Variants in NIPA1 observed in about 807,000 individuals in gnomAD.
NIPA1 encodes magnesium transporter NIPA1.
A neutral mutation model predicts 23.9 loss-of-function variants in NIPA1; 13 were observed. The observed-to-expected ratio is 0.54, with a 90% CI of 0.35 to 0.87. The LOEUF is 0.87. Among genes scored for constraint, NIPA1 ranks in the 40% least tolerant of loss-of-function variants. The pLI is 0.01. For missense variants in NIPA1, 362 were observed against 429.7 expected (o/e 0.84, Z 1.39); for synonymous variants, 234 against 202.9 (o/e 1.15, Z -1.30).
intron 1 of NIPA1, among the ~76,000 whole-genome samples, chr15:22,797,769 T>C (rs1158987093): frequency 1.3e-5 from 2 of 151,836 alleles, no homozygotes; most frequent in Admixed American, 6.6e-5. Context: ...TCCCAAAGTA[T>C]TGGGATTACA....
At chr15:22,795,413 T>A (rs535949898) in intron 1 of NIPA1, among the ~76,000 whole-genome samples, 7 of 152,192 alleles carry the variant, frequency 4.6e-5, no homozygotes, top group Non-Finnish European at 7.4e-5. Flanking sequence ...TGGCTGGGGC[T>A]GGAGTCAACT....
chr15:22,824,323 C>T lies in NIPA1; in HGVS notation c.*84C>T. On this transcript the variant is annotated 3_prime_UTR_variant, in exon 5 of 5. Transcript: ENST00000337435. The surrounding 1 kb of genome is among the most constrained non-coding windows in gnomAD (Gnocchi z 4.1). ...GATTGGATGTGAAGTAGAAGAGGTC[C>T]TCGATCATGGTGTTAGAATTGACTG... The T allele has an allele frequency of 2.6e-6, 3 of 1,168,770 alleles. No individual in the cohort carries two copies. In the South Asian group the frequency reaches 3.7e-5, roughly 14 times the overall value. The allele number at this position is 1,168,770 out of a possible 1,614,324, so 72.4% of individuals were successfully genotyped here. A position where few individuals can be genotyped will look rare whatever the true frequency, so the allele number is the denominator to read the frequency against.
chr15:22,791,151 G>A (rs1894816284), intron 1 of NIPA1, among the ~76,000 whole-genome samples: 1 of 152,080 alleles, frequency 6.6e-6, no homozygotes, highest in African/African-American at 2.4e-5. Context: ...GCACTGGGTG[G>A]TCACTGGCGA....
intron 3 of NIPA1, among the ~76,000 whole-genome samples, chr15:22,814,949 G>A (rs1449168259): frequency 1.3e-5 from 2 of 152,114 alleles, no homozygotes; most frequent in African/African-American, 2.4e-5. Flanking sequence ...GCATTGTGAG[G>A]TGTTTAGCAG....
At position 22,826,552 on chromosome 15, in the gene NIPA1, A is replaced by G. The variant is rs1441936910; in HGVS notation, c.*2313A>G. The stretch of plus-strand genomic sequence containing the variant: ...GTTCATGTGTCACATGAAAATGATC[A>G]TGTTTGTGTTGCTACAGCTTTTGTG... On this transcript the variant is annotated 3_prime_UTR_variant, in exon 5 of 5. Coordinates refer to ENST00000337435, the MANE Select transcript of NIPA1 (RefSeq NM_144599.5). The G allele has an allele frequency of 6.6e-6, 1 of 152,238 alleles. No individual in the cohort carries two copies. Among genetic ancestry groups the G allele is most frequent in the Non-Finnish European group, 1.5e-5 (1 of 68,038 alleles). The allele number at this position is 152,238 out of a possible 1,614,324, so 9.4% of individuals were successfully genotyped here.
intron 4 of NIPA1, among the ~76,000 whole-genome samples, chr15:22,822,516 A>G (rs772419459): frequency 5.3e-5 from 8 of 152,100 alleles, no homozygotes; most frequent in Non-Finnish European, 1.2e-4. Flanking sequence ...GAGCATCTCC[A>G]TTCACTTGTA....
At chr15:22,799,035 T>C (rs1409369588) in intron 1 of NIPA1, among the ~76,000 whole-genome samples, 2 of 151,894 alleles carry the variant, frequency 1.3e-5, no homozygotes, top group East Asian at 3.9e-4. Context: ...TTCAAAGAAC[T>C]AAAAGTAGAT....
chr15:22,789,607 G>A (rs775575643), intron 1 of NIPA1, among the ~76,000 whole-genome samples: 6 of 152,146 alleles, frequency 3.9e-5, no homozygotes, highest in Admixed American at 2.0e-4. Flanking sequence ...ACCTCCCGCC[G>A]AAGAAGGCGA....
chr15:22,822,942 G>C (rs1294154961), intron 4 of NIPA1, among the ~76,000 whole-genome samples: 1 of 110,540 alleles, frequency 9.0e-6, no homozygotes. Context: ...TTTTTGAGAC[G>C]GACTCTTGCT....
chr15:22,789,697 T>C (rs952353143), intron 1 of NIPA1, among the ~76,000 whole-genome samples: 2 of 152,150 alleles, frequency 1.3e-5, no homozygotes, highest in African/African-American at 2.4e-5. Flanking sequence ...GGGGAATCCA[T>C]GTGGGACTGC....
intron 1 of NIPA1, among the ~76,000 whole-genome samples, chr15:22,790,283 T>G (rs1190454623): frequency 6.6e-6 from 1 of 152,150 alleles, no homozygotes; most frequent in African/African-American, 2.4e-5. Context: ...GAGTCTTGTT[T>G]CAATGTCTGC....
chr15:22,797,653 G>A (rs539607316), intron 1 of NIPA1, among the ~76,000 whole-genome samples: 15 of 151,668 alleles, frequency 9.9e-5, no homozygotes, highest in African/African-American at 3.1e-4. Context: ...ATAGGCATGC[G>A]CCACCACGCC....
chr15:22,802,585 T>G (rs1895107761), intron 1 of NIPA1, among the ~76,000 whole-genome samples: 1 of 152,010 alleles, frequency 6.6e-6, no homozygotes, highest in Admixed American at 6.6e-5. Flanking sequence ...TTGCATAGAA[T>G]AAGCTGCACA....
intron 1 of NIPA1, among the ~76,000 whole-genome samples, chr15:22,796,684 T>C (rs923796937): frequency 1.3e-5 from 2 of 152,120 alleles, no homozygotes; most frequent in African/African-American, 4.8e-5. Flanking sequence ...AAAGATCACT[T>C]TCAGAAAGGA....
chr15:22,792,694 C>A (rs1220354144), intron 1 of NIPA1, among the ~76,000 whole-genome samples: 2 of 152,146 alleles, frequency 1.3e-5, no homozygotes, highest in African/African-American at 2.4e-5. Context: ...TGGCTCACAC[C>A]TGTAATCCCA....
rs1895693256 is a variant in NIPA1 at position 22,828,446 on chromosome 15, T to C, written c.*4207T>C. ...TCTGTCCTTTAGCTTATAGGTGATG[T>C]TTCACATCTGGCCAGATTCTTATAC... On this transcript the variant is annotated 3_prime_UTR_variant, in exon 5 of 5. Coordinates refer to ENST00000337435, the MANE Select transcript of NIPA1 (RefSeq NM_144599.5). 6.6e-6 allele frequency: 1 copy of C among 152,608 alleles called. No homozygotes were observed. Among genetic ancestry groups the C allele is most frequent in the Non-Finnish European group, 1.5e-5 (1 of 68,030 alleles). The allele number at this position is 152,608 out of a possible 1,614,324, so 9.5% of individuals were successfully genotyped here.
In NIPA1 at chr15:22,821,418, G is replaced by T. The variant is rs185786841; in HGVS notation, c.478+945G>T. ...AAACTGCCTCCACATCAGTTTGCTG[G>T]TTTACATGTCCACACTCGCTGGTTT... On this transcript the variant is annotated intron_variant, in intron 4 of 4. Transcript: ENST00000337435. 3.3e-3 allele frequency among the ~76,000 whole-genome samples: 509 copies of T among 152,248 alleles called. 4 individuals carry two copies. Among genetic ancestry groups the T allele is most frequent in the Middle Eastern group, 0.031 (9 of 294 alleles).
chr15:22,800,644 T>G (rs1351356275), intron 1 of NIPA1, among the ~76,000 whole-genome samples: 2 of 151,662 alleles, frequency 1.3e-5, no homozygotes, highest in Non-Finnish European at 2.9e-5. Context: ...AATACAAAAT[T>G]GGCACCGGGC....
intron 1 of NIPA1, among the ~76,000 whole-genome samples, chr15:22,803,209 G>A (rs1484734358): frequency 2.0e-5 from 3 of 152,018 alleles, no homozygotes; most frequent in Middle Eastern, 3.4e-3. Context: ...CACTCACCTC[G>A]GCCTCCCAAA....
Sources: allele counts gnomAD v4.1 joint callset (sites outside exome capture counted in the v4.1 genomes callset), GRCh38; gene constraint gnomAD v4.1.1; non-coding constraint Gnocchi (gnomAD v3.1); transcripts MANE v1.5; gene names NCBI Gene and HGNC (gene_info 2026-07-23, HGNC 2026-07-21).